AFF3: variants seen among roughly 807,000 people sequenced by gnomAD.
AFF3 encodes the protein AF4/FMR2 family member 3.
A neutral mutation model predicts 129.7 loss-of-function variants in AFF3; 32 were observed. The observed-to-expected ratio is 0.25, with a 90% CI of 0.19 to 0.33. The LOEUF (loss-of-function observed/expected upper bound fraction) is 0.33. AFF3 is among the 10% of genes least tolerant of loss of function. The probability of loss-of-function intolerance (pLI) is 1.00; values close to 1 mark genes in which losing one functional copy is unlikely to be tolerated. For synonymous variants in AFF3, 644 were observed against 635.4 expected, an observed-to-expected ratio of 1.01 and a Z score of -0.20; for missense variants, 1,373 against 1,592.0, an observed-to-expected ratio of 0.86 and a Z score of 2.34.
intron 7 of AFF3, among the ~76,000 whole-genome samples, chr2:100,001,699 T>C (rs933177506): frequency 7.3e-6 from 1 of 137,680 alleles, no homozygotes; most frequent in South Asian, 2.1e-4. Flanking sequence ...GTGCAGGGAT[T>C]ACAGGCGTTA....
chr2:99,720,130 T>C (rs867019643), intron 11 of AFF3, among the ~76,000 whole-genome samples: 1 of 152,234 alleles, frequency 6.6e-6, no homozygotes, highest in Non-Finnish European at 1.5e-5. Context: ...TGACAATCTT[T>C]TCCTTTTAAT....
In AFF3 at chr2:99,615,412, T is replaced by C. The variant is rs1039089803; in HGVS notation, c.1185-13791A>G. The stretch of plus-strand genomic sequence containing the variant: ...ACAAGCGGCAGCTGCCTTCTGGTGA[T>C]ACAACTCGCCTCCCCACTTTCAGGC... On this transcript the variant is annotated intron_variant, in intron 13 of 24. Coordinates refer to ENST00000672756, the MANE Select transcript of AFF3 (RefSeq NM_001386135.1). 7.9e-5 allele frequency among the ~76,000 whole-genome samples: 12 copies of C among 152,368 alleles called. No homozygotes were observed. The East Asian group carries it at 1.4e-3, about 17-fold the overall frequency.
At chr2:100,008,580 T>C (rs1682198342) in intron 5 of AFF3, among the ~76,000 whole-genome samples, 1 of 152,198 alleles carries the variant, frequency 6.6e-6, no homozygotes, top group South Asian at 2.1e-4. Context: ...CAGATCTCAA[T>C]AGTAAACAAA....
At position 100,133,217 on chromosome 2, in the gene AFF3, G is replaced by T. The variant is rs189924252; in HGVS notation, c.-227-3911C>A. On this transcript the variant is annotated intron_variant, in intron 1 of 24. Coordinates refer to ENST00000672756, the MANE Select transcript of AFF3 (RefSeq NM_001386135.1). Reference sequence around the variant, plus strand: ...GGAGTTGGAGGCTGCAGTGAACTGTGATCACCACTGCACTCCAGCCTGGGT... The same window carrying T: ...GGAGTTGGAGGCTGCAGTGAACTGTTATCACCACTGCACTCCAGCCTGGGT... 3.7e-3 allele frequency among the ~76,000 whole-genome samples: 555 copies of T among 151,808 alleles called. 1 individual carries two copies. Among genetic ancestry groups the T allele is most frequent in the Non-Finnish European group, 4.3e-3 (293 of 67,924 alleles).
chr2:99,947,539 AAGAGAGAAAGAAAG>A, intron 7 of AFF3, among the ~76,000 whole-genome samples: 1 of 148,924 alleles, frequency 6.7e-6, no homozygotes, highest in East Asian at 1.9e-4. Flanking sequence ...AAGAAAGAAA[AAGAGAGAAAGAAAG>A]AGAGAGAAAG....
At chr2:99,700,874 C>T (rs1182058434) in intron 11 of AFF3, among the ~76,000 whole-genome samples, 2 of 152,186 alleles carry the variant, frequency 1.3e-5, no homozygotes, top group Non-Finnish European at 2.9e-5. Flanking sequence ...GTTGTGAGGT[C>T]CACTGGGGCT....
At chr2:99,608,267 C>T (rs572170645) in intron 13 of AFF3, among the ~76,000 whole-genome samples, 3 of 152,280 alleles carry the variant, frequency 2.0e-5, no homozygotes, top group South Asian at 2.1e-4. Context: ...CTCCTACTCC[C>T]TCTGCAGGAC....
chr2:99,947,635 GATAGATAGAT>G (rs1247193651), intron 7 of AFF3, among the ~76,000 whole-genome samples: 19 of 151,432 alleles, frequency 1.3e-4, no homozygotes, highest in African/African-American at 4.6e-4. Context: ...TAGATAGATA[GATAGATAGAT>G]AGATAGATAG....
At chr2:99,558,398 A>T (rs1675148182) in intron 22 of AFF3, among the ~76,000 whole-genome samples, 1 of 152,078 alleles carries the variant, frequency 6.6e-6, no homozygotes, top group African/African-American at 2.4e-5. Flanking sequence ...AGGCGGGGAG[A>T]TCACCTGAGG....
intron 7 of AFF3, among the ~76,000 whole-genome samples, chr2:99,843,795 A>T (rs765882729): frequency 1.3e-5 from 2 of 152,252 alleles, no homozygotes; most frequent in Non-Finnish European, 2.9e-5. Context: ...CAATTTAAAA[A>T]TATTTAAAAA....
intron 8 of AFF3, among the ~76,000 whole-genome samples, chr2:99,797,274 A>T (rs1356107893): frequency 6.6e-6 from 1 of 152,194 alleles, no homozygotes; most frequent in Admixed American, 6.5e-5. Context: ...CTGAGTTTTC[A>T]TCTAGAGATG....
intron 7 of AFF3, among the ~76,000 whole-genome samples, chr2:99,839,930 C>T (rs1401735751): frequency 6.6e-6 from 1 of 152,122 alleles, no homozygotes; most frequent in Non-Finnish European, 1.5e-5. Flanking sequence ...ACTAATGATG[C>T]TGAGCATCTT....
rs2084594398 is a variant in AFF3 at position 99,546,001 on chromosome 2, G to A, written c.*5473C>T. 4.5e-6 allele frequency: 1 copy of A among 220,098 alleles called. No individual in the cohort carries two copies. The highest frequency in any genetic ancestry group is 5.8e-5 in the Admixed American group (1 of 17,358). 13.6% of individuals were successfully genotyped at this position (220,098 alleles called of 1,614,324 possible). A position where few individuals can be genotyped will look rare whatever the true frequency, so the allele number is the denominator to read the frequency against. Reference sequence around the variant, plus strand: ...CATTTCTTGTGCTATTTGCCAGGAAGTTGTAATATTGAAAAACTGTGCTCT... The same window carrying A: ...CATTTCTTGTGCTATTTGCCAGGAAATTGTAATATTGAAAAACTGTGCTCT... On this transcript the variant is annotated 3_prime_UTR_variant, in exon 25 of 25. Coordinates refer to ENST00000672756, the MANE Select transcript of AFF3 (RefSeq NM_001386135.1).
intron 8 of AFF3, among the ~76,000 whole-genome samples, chr2:99,766,486 T>C (rs1341901297): frequency 6.6e-6 from 1 of 152,224 alleles, no homozygotes; most frequent in African/African-American, 2.4e-5. Flanking sequence ...ATGCTCCAGA[T>C]ATTGACAGTA....
At chr2:99,773,377 C>G (rs777813822) in intron 8 of AFF3, among the ~76,000 whole-genome samples, 2 of 152,330 alleles carry the variant, frequency 1.3e-5, no homozygotes, top group Middle Eastern at 6.8e-3. Flanking sequence ...TCTTAAACTA[C>G]TTGCTGTAAT....
chr2:99,982,362 C>T (rs928222119), intron 7 of AFF3, among the ~76,000 whole-genome samples: 5 of 152,174 alleles, frequency 3.3e-5, no homozygotes, highest in African/African-American at 7.2e-5. Flanking sequence ...CTGCCATCCA[C>T]GTAAGATGTG....
chr2:100,093,095 G>C (rs1227605842), intron 4 of AFF3, among the ~76,000 whole-genome samples: 4 of 152,174 alleles, frequency 2.6e-5, no homozygotes, highest in Admixed American at 6.5e-5. Context: ...ATATTTTAGG[G>C]CTCTAAAACA....
At chr2:99,863,777 G>C (rs1255282447) in intron 7 of AFF3, among the ~76,000 whole-genome samples, 2 of 152,204 alleles carry the variant, frequency 1.3e-5, no homozygotes, top group Non-Finnish European at 2.9e-5. Flanking sequence ...GCCAGATTAG[G>C]ATGGATACAG....
chr2:99,698,852 G>C (rs368138366), intron 11 of AFF3, among the ~76,000 whole-genome samples: 59 of 152,134 alleles, frequency 3.9e-4, no homozygotes, highest in Non-Finnish European at 6.8e-4. Context: ...GTTATTTTTA[G>C]TTTGTACTGG....
Sources: gnomAD v4.1 joint callset for allele counts (sites outside exome capture counted in the v4.1 genomes callset) on GRCh38, gnomAD v4.1.1 for gene constraint, MANE v1.5 for transcripts, NCBI Gene and HGNC (gene_info 2026-07-23, HGNC 2026-07-21) for gene names.